The following ELAVL2 variants were observed in gnomAD, a reference collection of about 807,000 sequenced individuals.
ELAVL2 encodes ELAV-like protein 2.
A neutral mutation model predicts 34.6 loss-of-function variants in ELAVL2; 4 were observed. The ratio of observed to expected loss-of-function variants is 0.12; its 90% CI spans 0.06 to 0.26. ELAVL2 has a LOEUF of 0.26. ELAVL2 is among the 10% of genes least tolerant of loss of function. ELAVL2 has a pLI of 1.00. For missense variants in ELAVL2, 432 were observed against 442.8 expected, an observed-to-expected ratio of 0.98 and a Z score of 0.22; for synonymous variants, 193 against 154.8, an observed-to-expected ratio of 1.25 and a Z score of -1.83.
intron 2 of ELAVL2, among the ~76,000 whole-genome samples, chr9:23,759,185 T>A (rs993198851): frequency 7.2e-5 from 11 of 151,898 alleles, no homozygotes; most frequent in African/African-American, 2.4e-4. Flanking sequence ...CATCAACCAA[T>A]AAATGGATAA....
chr9:23,727,825 A>T (rs2045603503), intron 3 of ELAVL2, among the ~76,000 whole-genome samples: 1 of 151,886 alleles, frequency 6.6e-6, no homozygotes, highest in African/African-American at 2.4e-5. Flanking sequence ...ACTGCACAAA[A>T]CCCTACTGAG....
At chr9:23,700,845 A>G (rs2036946668) in intron 5 of ELAVL2, among the ~76,000 whole-genome samples, 1 of 151,910 alleles carries the variant, frequency 6.6e-6, no homozygotes, top group African/African-American at 2.4e-5. Context: ...AAACAGCTTG[A>G]CCTAAAAATT....
the ELAVL2 span, among the ~76,000 whole-genome samples, chr9:23,838,231 T>C: frequency 6.6e-6 from 1 of 152,066 alleles, no homozygotes; most frequent in Non-Finnish European, 1.5e-5. Context: ...TTCTGCATTA[T>C]TGGGTTTGTA....
intron 2 of ELAVL2, among the ~76,000 whole-genome samples, chr9:23,756,464 C>T (rs1369029152): frequency 6.6e-6 from 1 of 152,108 alleles, no homozygotes; most frequent in East Asian, 1.9e-4. Context: ...TGAGGTCTTC[C>T]ACCAACTACT....
At chr9:23,774,896 A>G (rs1270421768) in intron 1 of ELAVL2, among the ~76,000 whole-genome samples, 1 of 152,188 alleles carries the variant, frequency 6.6e-6, no homozygotes. Context: ...ACATTATGAG[A>G]TCACATGGGA....
intron 5 of ELAVL2, 127 bp from the exon 6 acceptor site, chr9:23,693,613 T>A: frequency 1.7e-6 from 2 of 1,157,416 alleles, no homozygotes; most frequent in Admixed American, 1.9e-5. Flanking sequence ...AGACTCAGAA[T>A]GCTGGGTCTT....
intron 2 of ELAVL2, chr9:23,735,127 A>AAAAAAAAAACC (rs2047551514): frequency 7.0e-6 from 1 of 142,648 alleles, no homozygotes; most frequent in Non-Finnish European, 1.5e-5. Flanking sequence ...AAAAAAAAAA[A>AAAAAAAAAACC]GCCCTTAAGA....
At chr9:23,747,977 A>T (rs1424978777) in intron 2 of ELAVL2, among the ~76,000 whole-genome samples, 2 of 152,178 alleles carry the variant, frequency 1.3e-5, no homozygotes, top group Non-Finnish European at 2.9e-5. Context: ...GCAAAGGCAG[A>T]AATAGGCCAC....
At chr9:23,751,268 A>G (rs770161888) in intron 2 of ELAVL2, among the ~76,000 whole-genome samples, 20 of 152,204 alleles carry the variant, frequency 1.3e-4, no homozygotes, top group Non-Finnish European at 2.9e-4. Flanking sequence ...AGAGCTAAAA[A>G]TAAACTCTAA....
chr9:23,810,466 G>A lies in ELAVL2; in HGVS notation c.-16+15340C>T, dbSNP rs1039347810. 2.0e-5 allele frequency among the ~76,000 whole-genome samples: 3 copies of A among 152,170 alleles called. No homozygotes were observed. The South Asian group carries it at 6.2e-4, about 32-fold the overall frequency. ...AACCCCACCACTGGGGAACCAAACAGCCTCTAAAGCAATTTAATATGGAGG... is the reference window on the plus strand; with the variant it reads ...AACCCCACCACTGGGGAACCAAACAACCTCTAAAGCAATTTAATATGGAGG... On this transcript the variant is annotated intron_variant, in intron 1 of 6. Transcript: ENST00000397312.
At chr9:23,742,567 T>C (rs1048097232) in intron 2 of ELAVL2, among the ~76,000 whole-genome samples, 3 of 152,202 alleles carry the variant, frequency 2.0e-5, no homozygotes, top group African/African-American at 7.2e-5. Context: ...TTTCACCTTA[T>C]GTGTACTGAT....
Position 23,784,524 on chromosome 9 carries a change from A to G in ELAVL2, c.-15-22275T>C, listed in dbSNP as rs913058545. On this transcript the variant is annotated intron_variant, in intron 1 of 6. Coordinates refer to ENST00000397312, the MANE Select transcript of ELAVL2 (RefSeq NM_004432.5). ...GTGTTGGGGGCAGTGGGACTGGTGA[A>G]TAAGACATAATTTGTACCCTGAGGA... is the stretch of plus-strand genomic sequence containing the variant. 3.9e-5 allele frequency among the ~76,000 whole-genome samples: 6 copies of G among 152,334 alleles called. 1 individual carries two copies. Among genetic ancestry groups the G allele is most frequent in the East Asian group, 1.9e-4 (1 of 5,174 alleles).
At chr9:23,779,564 G>A (rs1033615324) in intron 1 of ELAVL2, among the ~76,000 whole-genome samples, 3 of 151,984 alleles carry the variant, frequency 2.0e-5, no homozygotes, top group Non-Finnish European at 4.4e-5. Flanking sequence ...TCAAAATACT[G>A]CAACACTGTC....
intron 1 of ELAVL2, among the ~76,000 whole-genome samples, chr9:23,802,668 G>A (rs566057351): frequency 9.5e-4 from 144 of 152,172 alleles, no homozygotes; most frequent in African/African-American, 3.3e-3. Context: ...TCATACATCC[G>A]GGAAGTCAAG....
chr9:23,817,413 G>C (rs1285548175), intron 1 of ELAVL2, among the ~76,000 whole-genome samples: 1 of 152,032 alleles, frequency 6.6e-6, no homozygotes, highest in East Asian at 1.9e-4. Context: ...TTGTCACACA[G>C]AACTATTCAG....
intron 3 of ELAVL2, among the ~76,000 whole-genome samples, chr9:23,719,318 A>T (rs971982608): frequency 2.0e-5 from 3 of 152,126 alleles, no homozygotes; most frequent in Non-Finnish European, 4.4e-5. Context: ...TGGCAGATAA[A>T]TGTTCTTTAA....
At chr9:23,733,979 T>C (rs12551125) in intron 2 of ELAVL2, among the ~76,000 whole-genome samples, 20,724 of 152,126 alleles carry the variant, frequency 0.14, 1,806 homozygotes, top group South Asian at 0.26. Context: ...CCAAATGACT[T>C]TGCCTCCTTA....
chr9:23,705,340 T>C (rs1039211860), intron 3 of ELAVL2, among the ~76,000 whole-genome samples: 1 of 152,200 alleles, frequency 6.6e-6, no homozygotes, highest in Non-Finnish European at 1.5e-5. Flanking sequence ...TTTCACAATA[T>C]ATCCCATCCT....
In ELAVL2 at chr9:23,692,340, G is replaced by A. The variant is rs1360036870; in HGVS notation, c.*217C>T. ...ATGCAATGTGACAGGTAAAAACCCT[G>A]TACCTCTTGTCCATATTCAAACATA... On this transcript the variant is annotated 3_prime_UTR_variant, in exon 7 of 7. Coordinates refer to ENST00000397312, the MANE Select transcript of ELAVL2 (RefSeq NM_004432.5). 1.8e-6 allele frequency: 1 copy of A among 546,260 alleles called. No homozygotes were observed. Among genetic ancestry groups the A allele is most frequent in the African/African-American group, 1.9e-5 (1 of 53,128 alleles). The allele number at this position is 546,260 out of a possible 1,614,324, so 33.8% of individuals were successfully genotyped here. A position where few individuals can be genotyped will look rare whatever the true frequency, so the allele number is the denominator to read the frequency against.
Sources: gnomAD v4.1 joint callset for allele counts (sites outside exome capture counted in the v4.1 genomes callset) on GRCh38, gnomAD v4.1.1 for gene constraint, MANE v1.5 for transcripts, NCBI Gene and HGNC (gene_info 2026-07-23, HGNC 2026-07-21) for gene names.